MSH3: variants seen among roughly 807,000 people sequenced by gnomAD.
The protein encoded by MSH3 is mutS homolog 3, also known as DNA mismatch repair protein Msh3.
A neutral mutation model predicts 123.3 loss-of-function variants in MSH3; 106 were observed. The ratio of observed to expected loss-of-function variants is 0.86; its 90% CI spans 0.73 to 1.01. The LOEUF (loss-of-function observed/expected upper bound fraction) is 1.01, where lower values mean the gene tolerates loss of function less well. MSH3 is among the 50% of genes least tolerant of loss of function. The pLI is 0.00. For missense variants in MSH3, 1,459 were observed against 1,347.6 expected, an observed-to-expected ratio of 1.08 and a Z score of -1.29; for synonymous variants, 515 against 481.4, an observed-to-expected ratio of 1.07 and a Z score of -0.91.
At chr5:80,800,993 T>C (rs1176542306) in intron 19 of MSH3, among the ~76,000 whole-genome samples, 2 of 152,094 alleles carry the variant, frequency 1.3e-5, no homozygotes, top group African/African-American at 4.8e-5. Context: ...TGTAGACCTG[T>C]AGAAAGGCCT....
At chr5:80,796,761 C>T (rs1386684769) in intron 19 of MSH3, among the ~76,000 whole-genome samples, 2 of 152,112 alleles carry the variant, frequency 1.3e-5, no homozygotes, top group African/African-American at 2.4e-5. Context: ...TTTAAGAATA[C>T]TTTTTAAAAT....
chr5:80,732,336 G>A (rs1743427361), intron 10 of MSH3, among the ~76,000 whole-genome samples: 2 of 152,096 alleles, frequency 1.3e-5, no homozygotes, highest in African/African-American at 2.4e-5. Flanking sequence ...AGGAAAGAGT[G>A]AGAAAATCCA....
intron 3 of MSH3, among the ~76,000 whole-genome samples, chr5:80,668,303 C>G (rs766594947): frequency 1.2e-4 from 18 of 152,198 alleles, no homozygotes; most frequent in Non-Finnish European, 1.8e-4. Flanking sequence ...GTTCGTCAGC[C>G]TGGCCCCCAG....
intron 10 of MSH3, among the ~76,000 whole-genome samples, chr5:80,730,998 G>A (rs2112859858): frequency 6.6e-6 from 1 of 150,424 alleles, no homozygotes; most frequent in South Asian, 2.1e-4. Flanking sequence ...CGCCTCCTGG[G>A]TTCAAGCAAT....
intron 21 of MSH3, among the ~76,000 whole-genome samples, chr5:80,855,029 A>G (rs1195187243): frequency 6.6e-6 from 1 of 152,162 alleles, no homozygotes; most frequent in Non-Finnish European, 1.5e-5. Flanking sequence ...TGATTCAGTA[A>G]CATCATTCCT....
intron 19 of MSH3, among the ~76,000 whole-genome samples, chr5:80,805,515 T>C (rs1046356850): frequency 6.6e-6 from 1 of 151,816 alleles, no homozygotes; most frequent in Non-Finnish European, 1.5e-5. Flanking sequence ...TGATTAGGAA[T>C]GTATGTTTTA....
At chr5:80,786,449 C>T (rs1020592198) in intron 17 of MSH3, among the ~76,000 whole-genome samples, 1 of 152,176 alleles carries the variant, frequency 6.6e-6, no homozygotes, top group Non-Finnish European at 1.5e-5. Flanking sequence ...TTCCTTTCAG[C>T]TTTCCTTTTG....
chr5:80,676,132 G>A (rs6151657), intron 7 of MSH3, among the ~76,000 whole-genome samples: 369 of 152,254 alleles, frequency 2.4e-3, no homozygotes, highest in Non-Finnish European at 4.2e-3. Flanking sequence ...CTAGGTTCAA[G>A]CAATTCTCCT....
rs201332422 is a variant in MSH3 at position 80,852,488 on chromosome 5, TGGTAGACAG to T, written c.2814-1638_2814-1630del. ...ATCCTGCCACAATAAAGGCAAACAG[TGGTAGACAG>T]GGTGAACCATTGTGATTCTGAAGCA... is the stretch of plus-strand genomic sequence containing the variant. On this transcript the variant is annotated intron_variant, in intron 20 of 23. Transcript: ENST00000265081. 2.4e-4 allele frequency among the ~76,000 whole-genome samples: 36 copies of T among 152,280 alleles called. 1 individual carries two copies. In the East Asian group the frequency reaches 6.9e-3, roughly 29 times the overall value.
intron 20 of MSH3, among the ~76,000 whole-genome samples, chr5:80,829,435 T>C (rs936993587): frequency 6.6e-6 from 1 of 152,180 alleles, no homozygotes; most frequent in African/African-American, 2.4e-5. Flanking sequence ...ACTGAGAGTT[T>C]TTATCATGAA....
intron 8 of MSH3, among the ~76,000 whole-genome samples, chr5:80,682,682 A>G (rs1001980663): frequency 2.0e-5 from 3 of 152,218 alleles, no homozygotes; most frequent in Non-Finnish European, 4.4e-5. Context: ...ATCAGGGTAA[A>G]TGGGGTATCC....
Position 80,854,186 on chromosome 5 carries a change from C to G in MSH3, c.2870C>G (p.Thr957Ser). 1 of 1,613,764 alleles carries G rather than the reference C, an allele frequency of 6.2e-7. No homozygotes were observed. The highest frequency in any genetic ancestry group is 8.5e-7 in the Non-Finnish European group (1 of 1,179,824). ...CAGAGTACATTTATGGAAGAACTGA[C>G]TGACACAGCAGAAATAATCAGAAAA... ...KGQSTFMEELTDTAEIIRKAT... is the reference protein window; with the variant it reads ...KGQSTFMEELSDTAEIIRKAT... Residue 957 changes from threonine to serine, a missense_variant, in exon 21 of 24, where the codon ACT (threonine) becomes AGT (serine). Transcript: ENST00000265081.
Position 80,725,398 on chromosome 5 carries a change from C to A in MSH3, c.1341-55C>A, listed in dbSNP as rs547936308. 4.1e-5 allele frequency: 49 copies of A among 1,193,558 alleles called. No individual in the cohort carries two copies. The African/African-American group carries it at 4.8e-4, about 12-fold the overall frequency. The allele number at this position is 1,193,558 out of a possible 1,614,324, so 73.9% of individuals were successfully genotyped here. ...CCTCTTCTGGCCAAGACCTAAATACCAGCATTTCATGATAATGGATAAGTT... is the reference window on the plus strand; with the variant it reads ...CCTCTTCTGGCCAAGACCTAAATACAAGCATTTCATGATAATGGATAAGTT... On this transcript the variant is annotated intron_variant, in intron 8 of 23. Coordinates refer to ENST00000265081, the MANE Select transcript of MSH3 (RefSeq NM_002439.5).
intron 8 of MSH3, among the ~76,000 whole-genome samples, chr5:80,707,871 ATAGT>A (rs1750758313): frequency 6.6e-6 from 1 of 152,204 alleles, no homozygotes; most frequent in Non-Finnish European, 1.5e-5. Context: ...TTTAGCTATT[ATAGT>A]TAGTGTATGG....
intron 8 of MSH3, among the ~76,000 whole-genome samples, chr5:80,687,062 G>A (rs1232643391): frequency 6.6e-6 from 1 of 152,046 alleles, no homozygotes; most frequent in Non-Finnish European, 1.5e-5. Context: ...TATTTACTTT[G>A]TATCATATTG....
At chr5:80,842,272 T>TGAAGCAGCC (rs1561495931) in intron 20 of MSH3, among the ~76,000 whole-genome samples, 1 of 152,308 alleles carries the variant, frequency 6.6e-6, no homozygotes, top group African/African-American at 2.4e-5. Context: ...ATATATCTGT[T>TGAAGCAGCC]TTGGTACCAG....
intron 13 of MSH3, 34 bp from the exon 14 acceptor site, chr5:80,767,899 T>A: frequency 6.7e-7 from 1 of 1,494,000 alleles, no homozygotes; most frequent in Non-Finnish European, 9.3e-7. Context: ...TCATGTATCT[T>A]ATGCTATTTC....
chr5:80,699,836 G>A (rs1401330367), intron 8 of MSH3, among the ~76,000 whole-genome samples: 2 of 152,028 alleles, frequency 1.3e-5, no homozygotes, highest in East Asian at 3.9e-4. Flanking sequence ...GATCTACATG[G>A]CTAAGTTACT....
chr5:80,669,288 C>T (rs896104736), intron 3 of MSH3, among the ~76,000 whole-genome samples: 1 of 152,028 alleles, frequency 6.6e-6, no homozygotes, highest in African/African-American at 2.4e-5. Flanking sequence ...TCTTTTTGGT[C>T]ACTAGATTTT....
Sources: allele counts gnomAD v4.1 joint callset (sites outside exome capture counted in the v4.1 genomes callset), GRCh38; gene constraint gnomAD v4.1.1; transcripts MANE v1.5; gene names NCBI Gene and HGNC (gene_info 2026-07-23, HGNC 2026-07-21).